GRIK2: variants seen among roughly 807,000 people sequenced by gnomAD.
The protein encoded by GRIK2 is glutamate receptor ionotropic, kainate 2.
Under a neutral mutation model 100.3 loss-of-function variants are expected in GRIK2, and 32 were observed. The ratio of observed to expected loss-of-function variants is 0.32; its 90% CI spans 0.24 to 0.43. The LOEUF (loss-of-function observed/expected upper bound fraction) is 0.43. Ranked by LOEUF, GRIK2 falls within the 20% of genes least tolerant of loss-of-function variation. GRIK2 has a pLI of 1.00. For missense variants in GRIK2, 843 were observed against 1,114.9 expected (o/e 0.76, Z 3.47); for synonymous variants, 417 against 389.4 (o/e 1.07, Z -0.83).
intron 4 of GRIK2, among the ~76,000 whole-genome samples, chr6:101,658,364 C>A (rs1038487569): frequency 1.3e-5 from 2 of 152,166 alleles, no homozygotes; most frequent in African/African-American, 4.8e-5. Context: ...TCATCCTTGT[C>A]CCAGCAAAGA....
intron 2 of GRIK2, among the ~76,000 whole-genome samples, chr6:101,474,850 C>T (rs566744499): frequency 6.0e-4 from 91 of 151,350 alleles, no homozygotes; most frequent in African/African-American, 2.1e-3. Context: ...TTAAAAGAAG[C>T]TCACATAATA....
chr6:101,983,345 C>T (rs1350900965), intron 14 of GRIK2, among the ~76,000 whole-genome samples: 1 of 151,736 alleles, frequency 6.6e-6, no homozygotes, highest in Non-Finnish European at 1.5e-5. Flanking sequence ...AATCTTAATT[C>T]TGCCATACCA....
chr6:101,471,859 C>A (rs1364501586), intron 2 of GRIK2, among the ~76,000 whole-genome samples: 2 of 151,710 alleles, frequency 1.3e-5, no homozygotes, highest in Non-Finnish European at 3.0e-5. Flanking sequence ...ATTAATAGCT[C>A]AAGTTTAGTT....
chr6:101,703,390 G>A (rs1773029985), intron 7 of GRIK2, among the ~76,000 whole-genome samples: 1 of 151,828 alleles, frequency 6.6e-6, no homozygotes, highest in Non-Finnish European at 1.5e-5. Flanking sequence ...TTTTGAGAAG[G>A]ACATGGTCAA....
intron 2 of GRIK2, among the ~76,000 whole-genome samples, chr6:101,585,039 G>C (rs1218344551): frequency 6.6e-6 from 1 of 152,030 alleles, no homozygotes; most frequent in South Asian, 2.1e-4. Flanking sequence ...GAAAAGTGAA[G>C]TAGAAAAATC....
chr6:101,717,019 G>A (rs1440938875), intron 7 of GRIK2, among the ~76,000 whole-genome samples: 1 of 151,788 alleles, frequency 6.6e-6, no homozygotes, highest in East Asian at 1.9e-4. Context: ...AGAAAAGTGT[G>A]TAAATTGATA....
chr6:101,912,240 A>G (rs1002299676), intron 12 of GRIK2, among the ~76,000 whole-genome samples: 1 of 151,426 alleles, frequency 6.6e-6, no homozygotes, highest in African/African-American at 2.4e-5. Flanking sequence ...CATTATTTAA[A>G]AAAATGGTTG....
intron 12 of GRIK2, among the ~76,000 whole-genome samples, chr6:101,907,511 T>C (rs1269067906): frequency 6.6e-6 from 1 of 151,722 alleles, no homozygotes; most frequent in Non-Finnish European, 1.5e-5. Flanking sequence ...GGAGCCAGAT[T>C]GGTGACCGCC....
chr6:101,773,047 T>A (rs1277236386), intron 7 of GRIK2, among the ~76,000 whole-genome samples: 1 of 152,058 alleles, frequency 6.6e-6, no homozygotes, highest in Non-Finnish European at 1.5e-5. Flanking sequence ...AACAACACAA[T>A]GAGAAAGTGT....
rs142877038 is a variant in GRIK2, at chr6:101,978,170, A to G, written c.2085+49538A>G. ...TCTTCATGCAGAGTATGGCTTGGAT[A>G]TCAGTGTGTTATGGATCAAATTTGA... is the stretch of plus-strand genomic sequence containing the variant. On this transcript the variant is annotated intron_variant, in intron 14 of 16. Coordinates refer to ENST00000369134, the MANE Select transcript of GRIK2 (RefSeq NM_021956.5). 2.1e-3 allele frequency among the ~76,000 whole-genome samples: 312 copies of G among 152,004 alleles called. 1 individual carries two copies. The highest frequency in any genetic ancestry group is 7.3e-3 in the African/African-American group (304 of 41,492).
At chr6:101,629,215 G>T (rs1188541290) in intron 4 of GRIK2, among the ~76,000 whole-genome samples, 2 of 152,050 alleles carry the variant, frequency 1.3e-5, no homozygotes, top group African/African-American at 4.8e-5. Flanking sequence ...CACTCCCTTG[G>T]CTTTGAAGGT....
At chr6:101,964,647 C>T (rs776249240) in intron 14 of GRIK2, among the ~76,000 whole-genome samples, 2 of 152,160 alleles carry the variant, frequency 1.3e-5, no homozygotes, top group Non-Finnish European at 2.9e-5. Context: ...CCTGCCTAAC[C>T]ATTGCTGCAG....
intron 2 of GRIK2, among the ~76,000 whole-genome samples, chr6:101,518,689 A>G (rs908764628): frequency 6.6e-6 from 1 of 152,140 alleles, no homozygotes; most frequent in African/African-American, 2.4e-5. Context: ...TAGCTCTTTT[A>G]AAGATTTACA....
At chr6:101,483,796 C>A (rs1373161664) in intron 2 of GRIK2, among the ~76,000 whole-genome samples, 3 of 152,144 alleles carry the variant, frequency 2.0e-5, no homozygotes, top group Non-Finnish European at 4.4e-5. Flanking sequence ...GGCTGGTCTC[C>A]TGACCTCCTG....
chr6:101,482,222 C>T (rs778006864), intron 2 of GRIK2, among the ~76,000 whole-genome samples: 42 of 152,112 alleles, frequency 2.8e-4, no homozygotes, highest in Non-Finnish European at 5.4e-4. Flanking sequence ...AGATTCATTC[C>T]GGCAACAAAT....
At chr6:101,903,461 CCTT>C (rs2128462502) in intron 12 of GRIK2, among the ~76,000 whole-genome samples, 1 of 151,792 alleles carries the variant, frequency 6.6e-6, no homozygotes, top group African/African-American at 2.4e-5. Flanking sequence ...ATAACTGCTC[CCTT>C]CTTGTTTGTT....
intron 4 of GRIK2, among the ~76,000 whole-genome samples, chr6:101,662,155 T>C (rs1418034801): frequency 6.6e-6 from 1 of 152,188 alleles, no homozygotes; most frequent in Non-Finnish European, 1.5e-5. Context: ...TATTCTTTCT[T>C]CTAGAAATTT....
At chr6:101,662,678 G>A (rs528027621) in intron 4 of GRIK2, among the ~76,000 whole-genome samples, 2 of 152,024 alleles carry the variant, frequency 1.3e-5, no homozygotes, top group South Asian at 4.1e-4. Flanking sequence ...TATTTCTACA[G>A]TAATCACCCA....
intron 2 of GRIK2, among the ~76,000 whole-genome samples, chr6:101,412,551 GTTAAC>G (rs1320880913): frequency 2.6e-5 from 4 of 151,948 alleles, no homozygotes; most frequent in African/African-American, 9.7e-5. Context: ...AAAAACTCAA[GTTAAC>G]TTCATTATTT....
Sources: allele counts gnomAD v4.1 joint callset (sites outside exome capture counted in the v4.1 genomes callset), GRCh38; gene constraint gnomAD v4.1.1; transcripts MANE v1.5; gene names NCBI Gene and HGNC (gene_info 2026-07-23, HGNC 2026-07-21).